The following POFUT3 variants were observed in gnomAD, a reference collection of about 807,000 sequenced individuals.
POFUT3 encodes protein O-fucosyltransferase 3.
chr8:33,403,676 T>C, the POFUT3 span, among the ~76,000 whole-genome samples: 2 of 152,248 alleles, frequency 1.3e-5, no homozygotes, highest in South Asian at 4.1e-4. Flanking sequence ...GAGCAATGAC[T>C]ATACCACCGC....
chr8:33,314,349 G>T, the POFUT3 span, among the ~76,000 whole-genome samples: 1 of 152,078 alleles, frequency 6.6e-6, no homozygotes, highest in Non-Finnish European at 1.5e-5. Flanking sequence ...CACTCCCAAG[G>T]TGTTCTTTTG....
At chr8:33,391,883 G>T in the POFUT3 span, among the ~76,000 whole-genome samples, 1 of 152,188 alleles carries the variant, frequency 6.6e-6, no homozygotes, top group Admixed American at 6.5e-5. Flanking sequence ...TACCTGCTAG[G>T]TGGCACATGG....
At chr8:33,449,347 T>C in the POFUT3 span, among the ~76,000 whole-genome samples, 1 of 128,842 alleles carries the variant, frequency 7.8e-6, no homozygotes, top group Non-Finnish European at 1.6e-5. Context: ...TGGAGTGCAA[T>C]GACACGATCT....
the POFUT3 span, among the ~76,000 whole-genome samples, chr8:33,387,118 T>C: frequency 6.6e-6 from 1 of 152,152 alleles, no homozygotes; most frequent in African/African-American, 2.4e-5. Context: ...TGTGTGTGTG[T>C]GTATTTAATT....
At chr8:33,471,324 C>A in the POFUT3 span, among the ~76,000 whole-genome samples, 38 of 152,138 alleles carry the variant, frequency 2.5e-4, no homozygotes, top group African/African-American at 8.9e-4. Flanking sequence ...CTTGGCTCAC[C>A]GCAACTTCCT....
the POFUT3 span, among the ~76,000 whole-genome samples, chr8:33,395,496 T>A: frequency 2.0e-5 from 3 of 151,708 alleles, no homozygotes; most frequent in Non-Finnish European, 4.4e-5. Context: ...CAGGGGAAGA[T>A]CATCTTTCCG....
chr8:33,362,297 C>T, the POFUT3 span, among the ~76,000 whole-genome samples: 16 of 151,950 alleles, frequency 1.1e-4, no homozygotes, highest in Non-Finnish European at 2.1e-4. Context: ...ACAACCCGTA[C>T]AAGCCACGGG....
the POFUT3 span, among the ~76,000 whole-genome samples, chr8:33,423,043 C>G: frequency 6.6e-6 from 1 of 152,114 alleles, no homozygotes; most frequent in Non-Finnish European, 1.5e-5. Flanking sequence ...TCTTGAACTC[C>G]TGGACTCAAG....
the POFUT3 span, among the ~76,000 whole-genome samples, chr8:33,456,753 C>A: frequency 1.4e-5 from 2 of 147,424 alleles, no homozygotes; most frequent in Non-Finnish European, 1.5e-5. Context: ...GGCAGAAAAG[C>A]CTTTTATTTT....
the POFUT3 span, among the ~76,000 whole-genome samples, chr8:33,409,467 C>T: frequency 1.3e-5 from 2 of 152,184 alleles, no homozygotes; most frequent in Non-Finnish European, 2.9e-5. Flanking sequence ...TACTCCACTC[C>T]CTTATCTAAA....
the POFUT3 span, among the ~76,000 whole-genome samples, chr8:33,443,654 G>C: frequency 6.6e-6 from 1 of 152,040 alleles, no homozygotes; most frequent in African/African-American, 2.4e-5. Flanking sequence ...CACCATGCCT[G>C]GCTAATTTTT....
chr8:33,418,910 C>T, the POFUT3 span, among the ~76,000 whole-genome samples: 1 of 152,146 alleles, frequency 6.6e-6, no homozygotes, highest in Non-Finnish European at 1.5e-5. Context: ...AGGATGAAAT[C>T]CTGTCATTTG....
At chr8:33,346,081 T>C in the POFUT3 span, among the ~76,000 whole-genome samples, 1 of 144,516 alleles carries the variant, frequency 6.9e-6, no homozygotes, top group Non-Finnish European at 1.5e-5. Flanking sequence ...CTCCTCAGCC[T>C]CCCAAAGTGC....
the POFUT3 span, chr8:33,377,628 C>T: frequency 6.6e-6 from 1 of 152,254 alleles, no homozygotes; most frequent in African/African-American, 2.4e-5. Flanking sequence ...ACTCTTTCCA[C>T]TCTAACATTC....
chr8:33,470,981 G>A, the POFUT3 span, among the ~76,000 whole-genome samples: 7 of 151,802 alleles, frequency 4.6e-5, no homozygotes, highest in Non-Finnish European at 1.0e-4. Flanking sequence ...GTATATAACA[G>A]GTTTAGGATT....
At chr8:33,350,503 TAGC>T in the POFUT3 span, among the ~76,000 whole-genome samples, 1 of 152,110 alleles carries the variant, frequency 6.6e-6, no homozygotes, top group Admixed American at 6.6e-5. Flanking sequence ...ACAAAAATAG[TAGC>T]AGAAGGAAGG....
the POFUT3 span, among the ~76,000 whole-genome samples, chr8:33,434,256 A>C: frequency 6.6e-6 from 1 of 152,204 alleles, no homozygotes; most frequent in Non-Finnish European, 1.5e-5. Flanking sequence ...GCAACACTCC[A>C]TCTCAAAAAC....
chr8:33,461,434 T>G, the POFUT3 span: 13 of 1,613,448 alleles, frequency 8.1e-6, no homozygotes, highest in Non-Finnish European at 1.1e-5. Context: ...AAAAGCTTCC[T>G]CCTCTGAATC....
chr8:33,308,078 A>G, the POFUT3 span, among the ~76,000 whole-genome samples: 1 of 152,192 alleles, frequency 6.6e-6, no homozygotes, highest in African/African-American at 2.4e-5. Flanking sequence ...GTATTTTGGG[A>G]TTTATTGCAT....
Sources: allele counts gnomAD v4.1 joint callset (sites outside exome capture counted in the v4.1 genomes callset), GRCh38; gene constraint gnomAD v4.1.1; transcripts MANE v1.5; gene names NCBI Gene and HGNC (gene_info 2026-07-23, HGNC 2026-07-21).